The following DNMT3L variants were observed in gnomAD, a reference collection of about 807,000 sequenced individuals.
DNMT3L encodes DNA methyltransferase 3 like, also known as DNA (cytosine-5)-methyltransferase 3-like.
A neutral mutation model predicts 36.2 loss-of-function variants in DNMT3L; 33 were observed. That is an observed-to-expected ratio of 0.91 (90% confidence interval 0.69 to 1.22). The LOEUF is 1.22. Ranked by LOEUF, DNMT3L falls within the 50% of genes most tolerant of loss-of-function variation. The pLI is 0.00. For synonymous variants in DNMT3L, 117 were observed against 121.7 expected (o/e 0.96, Z 0.26); for missense variants, 310 against 303.1 (o/e 1.02, Z -0.17).
chr21:44,254,766 C>A (rs2040244524), intron 7 of DNMT3L, 61 bp from the exon 8 acceptor site: 1 of 1,544,850 alleles, frequency 6.5e-7, no homozygotes, highest in South Asian at 1.1e-5. Context: ...CCTACAGGGA[C>A]TCGAAAAGGC....
chr21:44,259,751 C>T (rs1230754754), intron 3 of DNMT3L, 40 bp from the exon 4 acceptor site: 2 of 1,574,468 alleles, frequency 1.3e-6, no homozygotes, highest in African/African-American at 1.3e-5. Context: ...TTTCCCAGTG[C>T]TGTCAAATAC....
chr21:44,260,831 C>T lies in DNMT3L; in HGVS notation c.115G>A (p.Ala39Thr). The change falls in exon 3 of 12, where the codon GCA (alanine) becomes ACA (threonine). Residue 39 changes from alanine (A) to threonine (T), a missense_variant. Ala to Thr is a moderately conservative substitution (Grantham distance 58). Transcript: ENST00000628202. ...CGCTGGTTAGCCTTGACTTCATATG[C>T]AATAAGATCTGGAAAGGAAGATAAG... ...VSPGTGRDLIAYEVKANQRNI... is the reference protein window; with the variant it reads ...VSPGTGRDLITYEVKANQRNI... The T allele has an allele frequency of 6.2e-7, 1 of 1,613,172 alleles. No individual in the cohort carries two copies. Among genetic ancestry groups the T allele is most frequent in the Non-Finnish European group, 8.5e-7 (1 of 1,179,888 alleles).
At chr21:44,259,214 G>T (rs1299557636) in intron 5 of DNMT3L, among the ~76,000 whole-genome samples, 4 of 152,106 alleles carry the variant, frequency 2.6e-5, no homozygotes, top group African/African-American at 9.7e-5. Flanking sequence ...CAGCGATGTG[G>T]CAATATCAAC....
intron 7 of DNMT3L, among the ~76,000 whole-genome samples, chr21:44,255,827 G>A (rs577823224): frequency 2.6e-4 from 39 of 152,324 alleles, no homozygotes; most frequent in African/African-American, 9.4e-4. Flanking sequence ...CATCCCTAAC[G>A]GCCAGAGGAG....
intron 2 of DNMT3L, 108 bp from the exon 3 acceptor site, chr21:44,260,947 T>C: frequency 1.3e-6 from 2 of 1,532,826 alleles, no homozygotes; most frequent in Non-Finnish European, 1.8e-6. Context: ...CACAGGAGCC[T>C]GAGGTCCCCT....
At chr21:44,257,235 C>T (rs1328259876) in intron 6 of DNMT3L, among the ~76,000 whole-genome samples, 3 of 152,044 alleles carry the variant, frequency 2.0e-5, no homozygotes, top group Non-Finnish European at 4.4e-5. Flanking sequence ...CAGAATTAGC[C>T]GGGTGTGGCG....
chr21:44,260,769 G>A (rs933908454), intron 3 of DNMT3L, 26 bp downstream of exon 3: 4 of 1,612,876 alleles, frequency 2.5e-6, no homozygotes, highest in Non-Finnish European at 3.4e-6. Flanking sequence ...CTTTTGTCTG[G>A]TGTGGGCCAG....
chr21:44,255,939 A>C, intron 7 of DNMT3L, 128 bp downstream of exon 7: 6 of 826,446 alleles, frequency 7.3e-6, no homozygotes, highest in Non-Finnish European at 9.2e-6. Flanking sequence ...AGGGTGGGGA[A>C]GGGTACAGGA....
chr21:44,257,164 G>C (rs1050052047), intron 6 of DNMT3L, among the ~76,000 whole-genome samples: 1 of 152,026 alleles, frequency 6.6e-6, no homozygotes. Context: ...TGGATCACTT[G>C]AGGTCAGGAG....
intron 6 of DNMT3L, among the ~76,000 whole-genome samples, chr21:44,257,695 AATAAATAAATAAAT>A (rs1409870181): frequency 2.3e-5 from 2 of 87,548 alleles, no homozygotes; most frequent in African/African-American, 1.3e-4. Flanking sequence ...AAAAAAAAAA[AATAAATAAATAAAT>A]AAATAAATAA....
chr21:44,254,775 G>T lies in DNMT3L; in HGVS notation c.605-70C>A. The T allele has an allele frequency of 3.3e-6, 5 of 1,497,116 alleles. No individual in the cohort carries two copies. In the South Asian group the frequency reaches 5.9e-5, roughly 18 times the overall value. 92.7% of individuals were successfully genotyped at this position (1,497,116 alleles called of 1,614,324 possible). On this transcript the variant is annotated intron_variant, in intron 7 of 11. Transcript: ENST00000628202. The stretch of plus-strand genomic sequence containing the variant: ...TGTGCCCCTACAGGGACTCGAAAAG[G>T]CTGACGGACGATCAGAGGACCCTCC...
At chr21:44,254,184 C>G (rs1177580202) in intron 8 of DNMT3L, among the ~76,000 whole-genome samples, 1 of 152,216 alleles carries the variant, frequency 6.6e-6, no homozygotes, top group African/African-American at 2.4e-5. Context: ...AAACAGTGAC[C>G]AGTTGTCCAG....
chr21:44,254,361 G>A (rs1258474526), intron 8 of DNMT3L, among the ~76,000 whole-genome samples: 1 of 152,212 alleles, frequency 6.6e-6, no homozygotes, highest in Non-Finnish European at 1.5e-5. Context: ...TGGGCTCTGG[G>A]CAATGCTGGG....
rs1415216513 is a variant in DNMT3L at position 44,258,615 on chromosome 21, A to C, written c.424T>G (p.Cys142Gly). The C allele has an allele frequency of 1.9e-6, 3 of 1,612,508 alleles. No individual in the cohort carries two copies. The highest frequency in any genetic ancestry group is 2.5e-6 in the Non-Finnish European group (3 of 1,179,912). The change falls in exon 6 of 12, where the codon TGC becomes GGC. Residue 142 changes from cysteine to glycine, a missense_variant. Physicochemically the swap from Cys to Gly is radical, Grantham distance 159. Transcript: ENST00000628202. The surrounding 1 kb of genome is among the most constrained non-coding windows in gnomAD (Gnocchi z 6.2). ...CGGGAGGACGGCAGGCACAGGTAGC[A>C]CACCCAGTTGCTCATGGCGTGCACC... ...GKVHAMSNWV[C>G]YLCLPSSRSG...
intron 6 of DNMT3L, among the ~76,000 whole-genome samples, chr21:44,257,463 C>T (rs1419290822): frequency 2.0e-5 from 3 of 151,876 alleles, no homozygotes; most frequent in African/African-American, 7.3e-5. Context: ...GGGCGGATCA[C>T]GAGGTCAGGA....
At chr21:44,255,247 A>G (rs1339105670) in intron 7 of DNMT3L, among the ~76,000 whole-genome samples, 2 of 152,152 alleles carry the variant, frequency 1.3e-5, no homozygotes, top group African/African-American at 4.8e-5. Flanking sequence ...ACGGCCGGGC[A>G]CAGACGCTCA....
intron 6 of DNMT3L, among the ~76,000 whole-genome samples, chr21:44,256,886 A>C (rs1242282423): frequency 6.6e-6 from 1 of 152,170 alleles, no homozygotes; most frequent in Admixed American, 6.5e-5. Flanking sequence ...ATACCTTCCC[A>C]TCTGACCCTT....
intron 7 of DNMT3L, among the ~76,000 whole-genome samples, chr21:44,255,371 A>G (rs1372471266): frequency 6.6e-6 from 1 of 151,976 alleles, no homozygotes; most frequent in Non-Finnish European, 1.5e-5. Flanking sequence ...AAACACAAAA[A>G]TTAGCTGGGC....
chr21:44,257,620 G>A (rs1364722605), intron 6 of DNMT3L, among the ~76,000 whole-genome samples: 4 of 148,020 alleles, frequency 2.7e-5, no homozygotes, highest in Admixed American at 6.7e-5. Flanking sequence ...GGCGGAGCTT[G>A]CAGTGAGCCG....
Sources: allele counts gnomAD v4.1 joint callset (sites outside exome capture counted in the v4.1 genomes callset), GRCh38; gene constraint gnomAD v4.1.1; non-coding constraint Gnocchi (gnomAD v3.1); transcripts MANE v1.5; gene names NCBI Gene and HGNC (gene_info 2026-07-23, HGNC 2026-07-21).